The following RAB3C variants were observed in gnomAD, a reference collection of about 807,000 sequenced individuals.
RAB3C encodes ras-related protein Rab-3C.
Under a neutral mutation model 26.4 loss-of-function variants are expected in RAB3C, and 17 were observed. That is an observed-to-expected ratio of 0.64 (90% CI 0.44 to 0.97). The LOEUF (loss-of-function observed/expected upper bound fraction) is 0.97, where lower values mean the gene tolerates loss of function less well. RAB3C is among the 50% of genes least tolerant of loss of function. The probability of loss-of-function intolerance (pLI) is 0.00; values close to 1 mark genes in which losing one functional copy is unlikely to be tolerated. For synonymous variants in RAB3C, 91 were observed against 95.9 expected (o/e 0.95, Z 0.30); for missense variants, 242 against 281.9 (o/e 0.86, Z 1.01).
chr5:58,817,577 C>T (rs936656690), intron 3 of RAB3C, among the ~76,000 whole-genome samples: 3 of 151,806 alleles, frequency 2.0e-5, no homozygotes, highest in Admixed American at 6.6e-5. Context: ...CCTGGAAGTA[C>T]TTTGTGATGT....
chr5:58,654,003 A>G (rs1747711458), intron 2 of RAB3C, among the ~76,000 whole-genome samples: 1 of 152,210 alleles, frequency 6.6e-6, no homozygotes, highest in African/African-American at 2.4e-5. Context: ...CTGAATCCCA[A>G]AACTATAAAA....
intron 3 of RAB3C, among the ~76,000 whole-genome samples, chr5:58,728,155 A>G (rs1740930253): frequency 6.6e-6 from 1 of 152,018 alleles, no homozygotes; most frequent in Non-Finnish European, 1.5e-5. Flanking sequence ...AAATTAGATG[A>G]TCACTTGATT....
intron 3 of RAB3C, among the ~76,000 whole-genome samples, chr5:58,753,213 G>A (rs965711479): frequency 6.6e-5 from 10 of 152,154 alleles, no homozygotes; most frequent in East Asian, 3.9e-4. Flanking sequence ...TAAATGTGTC[G>A]AGGAAATTAA....
intron 3 of RAB3C, among the ~76,000 whole-genome samples, chr5:58,775,676 T>C (rs1742116012): frequency 6.6e-6 from 1 of 152,152 alleles, no homozygotes; most frequent in Non-Finnish European, 1.5e-5. Context: ...TTTCTCCATT[T>C]GTAAAAATTG....
At chr5:58,583,469 G>T (rs772099873) in intron 1 of RAB3C, among the ~76,000 whole-genome samples, 10 of 152,118 alleles carry the variant, frequency 6.6e-5, no homozygotes, top group Non-Finnish European at 1.5e-4. Flanking sequence ...CTGTAAAGAG[G>T]ATAAGAGTGT....
At chr5:58,746,769 A>G (rs1393399190) in intron 3 of RAB3C, among the ~76,000 whole-genome samples, 1 of 152,246 alleles carries the variant, frequency 6.6e-6, no homozygotes, top group East Asian at 1.9e-4. Flanking sequence ...TTGCAAATCA[A>G]ATGTGGTGAC....
chr5:58,659,233 T>C (rs1747846189), intron 2 of RAB3C, among the ~76,000 whole-genome samples: 1 of 152,262 alleles, frequency 6.6e-6, no homozygotes, highest in African/African-American at 2.4e-5. Context: ...TATATACACA[T>C]GCACATATAT....
At chr5:58,604,442 C>T (rs1746518940) in intron 1 of RAB3C, among the ~76,000 whole-genome samples, 1 of 152,148 alleles carries the variant, frequency 6.6e-6, no homozygotes, top group Admixed American at 6.5e-5. Flanking sequence ...GGGAGTGGGA[C>T]TAGGCCTGTC....
At chr5:58,730,286 A>G (rs1344526182) in intron 3 of RAB3C, among the ~76,000 whole-genome samples, 1 of 152,024 alleles carries the variant, frequency 6.6e-6, no homozygotes, top group African/African-American at 2.4e-5. Context: ...CAAAAGTAAA[A>G]AAAATCAGAA....
chr5:58,721,248 CA>C (rs61668251), intron 2 of RAB3C, among the ~76,000 whole-genome samples: 22,612 of 106,478 alleles, frequency 0.21, 2,122 homozygotes, highest in African/African-American at 0.36. Context: ...ATTTTTTTTT[CA>C]AAAAAAAAAA....
At chr5:58,768,699 C>T (rs1741960670) in intron 3 of RAB3C, among the ~76,000 whole-genome samples, 1 of 151,776 alleles carries the variant, frequency 6.6e-6, no homozygotes, top group African/African-American at 2.4e-5. Flanking sequence ...ACAGCAAGAA[C>T]TGCCCCAGAA....
intron 2 of RAB3C, among the ~76,000 whole-genome samples, chr5:58,679,309 A>G (rs158994): frequency 0.34 from 51,052 of 152,008 alleles, 8,921 homozygotes; most frequent in East Asian, 0.42. Context: ...TATGAGACTC[A>G]TTGCACAATT....
intron 3 of RAB3C, among the ~76,000 whole-genome samples, chr5:58,756,915 T>A (rs891972481): frequency 1.9e-4 from 29 of 152,202 alleles, no homozygotes; most frequent in African/African-American, 6.8e-4. Context: ...TGTGTGCATG[T>A]GTCTTTATAG....
At chr5:58,601,286 G>T (rs562979801) in intron 1 of RAB3C, among the ~76,000 whole-genome samples, 2 of 152,216 alleles carry the variant, frequency 1.3e-5, no homozygotes, top group African/African-American at 4.8e-5. Context: ...GTTCTTCAGG[G>T]ATATCAGTCT....
chr5:58,717,379 C>G (rs145840154), intron 2 of RAB3C, among the ~76,000 whole-genome samples: 1 of 152,026 alleles, frequency 6.6e-6, no homozygotes, highest in African/African-American at 2.4e-5. Context: ...GATGACTGTA[C>G]GTAACCTGAT....
chr5:58,639,847 T>G (rs749863102), intron 2 of RAB3C, among the ~76,000 whole-genome samples: 5 of 152,222 alleles, frequency 3.3e-5, no homozygotes, highest in Admixed American at 2.0e-4. Context: ...ATCTGTTAAC[T>G]GTGCTTGGAT....
chr5:58,697,407 G>C (rs918689303), intron 2 of RAB3C, among the ~76,000 whole-genome samples: 6 of 152,142 alleles, frequency 3.9e-5, no homozygotes, highest in African/African-American at 2.4e-5. Context: ...CTGTTGATTT[G>C]GGGTGGAGAG....
At chr5:58,811,013 C>T (rs556056083) in intron 3 of RAB3C, among the ~76,000 whole-genome samples, 27 of 152,178 alleles carry the variant, frequency 1.8e-4, no homozygotes, top group Non-Finnish European at 3.2e-4. Context: ...TCTAACCATA[C>T]GGAGGCACAG....
intron 3 of RAB3C, among the ~76,000 whole-genome samples, chr5:58,813,469 G>A (rs1297901198): frequency 1.3e-5 from 2 of 151,598 alleles, no homozygotes; most frequent in African/African-American, 2.4e-5. Context: ...CTGCAGGTTG[G>A]GTATCTTCTG....
Sources: gnomAD v4.1 joint callset for allele counts (sites outside exome capture counted in the v4.1 genomes callset) on GRCh38, gnomAD v4.1.1 for gene constraint, MANE v1.5 for transcripts, NCBI Gene and HGNC (gene_info 2026-07-23, HGNC 2026-07-21) for gene names.